ZNRF3: variants seen among roughly 807,000 people sequenced by gnomAD.
The protein encoded by ZNRF3 is E3 ubiquitin-protein ligase ZNRF3.
In ZNRF3, 23 loss-of-function variants were observed where a neutral mutation model predicts 72.5. The observed-to-expected ratio is 0.32, with a 90% CI of 0.23 to 0.45. The LOEUF (loss-of-function observed/expected upper bound fraction) is 0.45. Ranked by LOEUF, ZNRF3 falls within the 20% of genes least tolerant of loss-of-function variation. ZNRF3 has a pLI of 1.00. For synonymous variants in ZNRF3, 610 were observed against 545.3 expected, an observed-to-expected ratio of 1.12 and a Z score of -1.65; for missense variants, 1,169 against 1,272.1, an observed-to-expected ratio of 0.92 and a Z score of 1.23.
chr22:28,898,228 G>A (rs1451328215), intron 1 of ZNRF3, among the ~76,000 whole-genome samples: 5 of 152,226 alleles, frequency 3.3e-5, no homozygotes, highest in Non-Finnish European at 5.9e-5. Context: ...GATTACAGGC[G>A]TGAGCCACTG....
intron 2 of ZNRF3, chr22:29,025,813 C>T (rs143384603): frequency 0.026 from 3,937 of 152,344 alleles, 83 homozygotes; most frequent in African/African-American, 0.057. Flanking sequence ...TGAGCCACCG[C>T]GTCCAGCCTC....
At chr22:29,020,985 A>G (rs1477049816) in intron 2 of ZNRF3, among the ~76,000 whole-genome samples, 2 of 151,770 alleles carry the variant, frequency 1.3e-5, no homozygotes, top group Admixed American at 1.3e-4. Context: ...TTTAGTAGAG[A>G]TGGGGTTTCA....
intron 1 of ZNRF3, among the ~76,000 whole-genome samples, chr22:28,944,278 T>C (rs919181396): frequency 2.0e-5 from 3 of 150,056 alleles, no homozygotes. Context: ...ATTTTTTTTT[T>C]CTAAGTCTTC....
At chr22:29,028,921 A>G (rs1036933829) in intron 2 of ZNRF3, among the ~76,000 whole-genome samples, 1 of 152,158 alleles carries the variant, frequency 6.6e-6, no homozygotes, top group Non-Finnish European at 1.5e-5. Flanking sequence ...CCCCTGTCCA[A>G]ACCATTCCCA....
chr22:29,042,448 G>T (rs762088695), intron 2 of ZNRF3, 47 bp from the exon 3 acceptor site: 4 of 1,578,718 alleles, frequency 2.5e-6, no homozygotes, highest in East Asian at 4.5e-5. Flanking sequence ...ACTTTGAAAA[G>T]GTAAGAGGAC....
At chr22:28,904,599 TTCTC>T (rs372747315) in intron 1 of ZNRF3, among the ~76,000 whole-genome samples, 15 of 150,834 alleles carry the variant, frequency 9.9e-5, no homozygotes, top group African/African-American at 2.2e-4. Flanking sequence ...TTTCTTTTTC[TTCTC>T]TCTCTCTCTC....
intron 1 of ZNRF3, among the ~76,000 whole-genome samples, chr22:28,937,204 TATATATATA>T (rs2034847270): frequency 1.9e-3 from 8 of 4,214 alleles, no homozygotes; most frequent in African/African-American, 3.1e-3. Context: ...TATATATATA[TATATATATA>T]TATTTTTTTT....
At chr22:29,053,287 T>G (rs1215010890) in intron 8 of ZNRF3, among the ~76,000 whole-genome samples, 6 of 152,222 alleles carry the variant, frequency 3.9e-5, no homozygotes, top group Non-Finnish European at 8.8e-5. Context: ...TCTGCTGCTT[T>G]TCCCAAGGCC....
At chr22:29,027,664 C>T (rs16987065) in intron 2 of ZNRF3, among the ~76,000 whole-genome samples, 9,431 of 152,210 alleles carry the variant, frequency 0.062, 645 homozygotes, top group African/African-American at 0.17. Flanking sequence ...TAAACTGGGA[C>T]GTCCCTGCAT....
At chr22:28,914,297 A>T (rs1480936047) in intron 1 of ZNRF3, among the ~76,000 whole-genome samples, 4 of 151,940 alleles carry the variant, frequency 2.6e-5, no homozygotes, top group African/African-American at 9.7e-5. Flanking sequence ...ATGGAAGTGC[A>T]TTTTCCGGGT....
chr22:28,986,603 T>G lies in ZNRF3; in HGVS notation c.301-473T>G, dbSNP rs1004525317. 8.1e-6 allele frequency: 8 copies of G among 985,302 alleles called. No homozygotes were observed. The Admixed American group carries it at 4.9e-4, about 61-fold the overall frequency. The allele number at this position is 985,302 out of a possible 1,614,324, so 61.0% of individuals were successfully genotyped here. On this transcript the variant is annotated intron_variant, in intron 1 of 8. Transcript: ENST00000544604. Reference sequence around the variant, plus strand: ...TTACACTGGTGATTTCTGTGGTCTCTGCATAGAGTCCGGGATGTGTTTCCA... The same window carrying G: ...TTACACTGGTGATTTCTGTGGTCTCGGCATAGAGTCCGGGATGTGTTTCCA...
intron 1 of ZNRF3, among the ~76,000 whole-genome samples, chr22:28,902,382 C>T (rs1569239838): frequency 1.4e-5 from 2 of 146,674 alleles, no homozygotes. Context: ...TTTGCCAGGC[C>T]TTTTTTTTTT....
intron 1 of ZNRF3, among the ~76,000 whole-genome samples, chr22:28,985,964 C>T (rs755274001): frequency 2.0e-5 from 3 of 152,174 alleles, no homozygotes; most frequent in African/African-American, 4.8e-5. Flanking sequence ...TCTTGATTAA[C>T]GGCCCCCTCC....
intron 2 of ZNRF3, chr22:29,018,087 C>T (rs982590597): frequency 4.1e-5 from 21 of 517,606 alleles, no homozygotes; most frequent in African/African-American, 9.7e-5. Context: ...GAGGGGAGGG[C>T]GGACGGGCAG....
At chr22:28,973,069 A>G (rs2035606156) in intron 1 of ZNRF3, among the ~76,000 whole-genome samples, 1 of 152,162 alleles carries the variant, frequency 6.6e-6, no homozygotes, top group Non-Finnish European at 1.5e-5. Context: ...TGCAGCCTCA[A>G]ACTTGTGGGC....
rs748977641 is a variant in ZNRF3, at chr22:28,987,174, G to A, written c.399G>A (p.Pro133=). 1.4e-5 allele frequency: 22 copies of A among 1,613,664 alleles called. No homozygotes were observed. The highest frequency in any genetic ancestry group is 3.3e-5 in the South Asian group (3 of 90,948). The change falls in exon 2 of 9, where the codon CCG becomes CCA. Residue 133 remains proline (P), a synonymous_variant. Coordinates refer to ENST00000544604, the MANE Select transcript of ZNRF3 (RefSeq NM_001206998.2). ...VVKLEQPELD[P]KPCLTVLGKA... ...AGCTGGAACAGCCAGAATTGGACCC[G>A]AAACCATGCCTCACTGTCCTAGGCA...
intron 1 of ZNRF3, among the ~76,000 whole-genome samples, chr22:28,887,957 G>A (rs769774698): frequency 2.0e-5 from 3 of 148,336 alleles, no homozygotes; most frequent in South Asian, 2.1e-4. Flanking sequence ...TTTTAAAGTC[G>A]AAATGCATTT....
At chr22:28,953,194 G>C (rs1370285583) in intron 1 of ZNRF3, among the ~76,000 whole-genome samples, 1 of 152,212 alleles carries the variant, frequency 6.6e-6, no homozygotes, top group Non-Finnish European at 1.5e-5. Flanking sequence ...AGCAGGGAAG[G>C]CATGGTAGGT....
chr22:28,989,375 G>C (rs552501774), intron 2 of ZNRF3, among the ~76,000 whole-genome samples: 1 of 152,100 alleles, frequency 6.6e-6, no homozygotes, highest in Non-Finnish European at 1.5e-5. Flanking sequence ...CTCTCCTGCC[G>C]CCCCTCTTTC....
Sources: allele counts gnomAD v4.1 joint callset (sites outside exome capture counted in the v4.1 genomes callset), GRCh38; gene constraint gnomAD v4.1.1; transcripts MANE v1.5; gene names NCBI Gene and HGNC (gene_info 2026-07-23, HGNC 2026-07-21).